CPA4: variants seen among roughly 807,000 people sequenced by gnomAD.
CPA4 encodes carboxypeptidase A3.
In CPA4, 49 loss-of-function variants were observed where a neutral mutation model predicts 54.7. The ratio of observed to expected loss-of-function variants is 0.90; its 90% CI spans 0.71 to 1.14. The LOEUF (loss-of-function observed/expected upper bound fraction) is 1.14, where lower values mean the gene tolerates loss of function less well. Among genes scored for constraint, CPA4 ranks in the 50% most tolerant of loss-of-function variants. CPA4 has a pLI of 0.00. For missense variants in CPA4, 487 were observed against 525.1 expected, an observed-to-expected ratio of 0.93 and a Z score of 0.71; for synonymous variants, 215 against 206.8, an observed-to-expected ratio of 1.04 and a Z score of -0.34.
rs1562927888 is a variant in CPA4 at position 130,298,673 on chromosome 7, C to T, written c.69-73C>T. 5 of 910,670 alleles carry T rather than the reference C, an allele frequency of 5.5e-6. No individual in the cohort carries two copies. In the South Asian group the frequency reaches 6.8e-5, roughly 12 times the overall value. The allele number at this position is 910,670 out of a possible 1,614,324, so 56.4% of individuals were successfully genotyped here. On this transcript the variant is annotated intron_variant, in intron 1 of 10. Coordinates refer to ENST00000222482, the MANE Select transcript of CPA4 (RefSeq NM_016352.4). ...GCCTGGTTACGTCTGGGATAGGAGG[C>T]TTGGGGGTTTCTTTGCCAGCTGAAA...
chr7:130,322,944 G>A lies in CPA4; in HGVS notation c.*268G>A. On this transcript the variant is annotated 3_prime_UTR_variant, in exon 11 of 11. Coordinates refer to ENST00000222482, the MANE Select transcript of CPA4 (RefSeq NM_016352.4). ...CTCCTTCCACCCTGCTGGCTGGGCG[G>A]CTGCACTCAGCATCACCCCTTCCTG... 1 of 362,606 alleles carries A rather than the reference G, an allele frequency of 2.8e-6. No individual in the cohort carries two copies. The highest frequency in any genetic ancestry group is 4.7e-5 in the East Asian group (1 of 21,488). The allele number at this position is 362,606 out of a possible 1,614,324, so 22.5% of individuals were successfully genotyped here.
rs1039248663 is a variant in CPA4, at chr7:130,293,374, C to A, written c.68+126C>A. On this transcript the variant is annotated intron_variant, in intron 1 of 10. Coordinates refer to ENST00000222482, the MANE Select transcript of CPA4 (RefSeq NM_016352.4). ...ACCTGGGCTCTTGTTCCAGCTTTGCCCCTGTGTCATCCTGGACAAGTCCAC... is the reference window on the plus strand; with the variant it reads ...ACCTGGGCTCTTGTTCCAGCTTTGCACCTGTGTCATCCTGGACAAGTCCAC... 7.0e-6 allele frequency: 5 copies of A among 710,568 alleles called. No individual in the cohort carries two copies. In the African/African-American group the frequency reaches 8.9e-5, roughly 13 times the overall value. 44.0% of individuals were successfully genotyped at this position (710,568 alleles called of 1,614,324 possible). A position where few individuals can be genotyped will look rare whatever the true frequency, so the allele number is the denominator to read the frequency against.
intron 5 of CPA4, chr7:130,304,788 A>C (rs1793793436): frequency 3.4e-6 from 2 of 596,784 alleles, no homozygotes; most frequent in African/African-American, 1.9e-5. Flanking sequence ...ATCCCATTCC[A>C]AGTTTTGGCT....
At chr7:130,300,794 C>T (rs868076643) in intron 3 of CPA4, 22 bp from the exon 4 acceptor site, 3 of 1,552,352 alleles carry the variant, frequency 1.9e-6, no homozygotes, top group Middle Eastern at 1.7e-4. Context: ...GATCACTTCA[C>T]AACATTGCTG....
At chr7:130,308,569 C>G (rs1793862811) in intron 8 of CPA4, among the ~76,000 whole-genome samples, 172 bp downstream of exon 8, 1 of 152,092 alleles carries the variant, frequency 6.6e-6, no homozygotes, top group Admixed American at 6.6e-5. Flanking sequence ...TTTGTTGTTG[C>G]TGTTTTGAGA....
chr7:130,305,932 T>C lies in CPA4; in HGVS notation c.591+12T>C. On this transcript the variant is annotated intron_variant, in intron 6 of 10. Coordinates refer to ENST00000222482, the MANE Select transcript of CPA4 (RefSeq NM_016352.4). ...GGACGGCAAGGAAGGTCATGCTGCG[T>C]GGTATTAGCCAGGAATGCTGATGGT... 1.2e-6 allele frequency: 2 copies of C among 1,605,268 alleles called. No homozygotes were observed. Among genetic ancestry groups the C allele is most frequent in the Non-Finnish European group, 1.7e-6 (2 of 1,172,276 alleles).
At position 130,319,096 on chromosome 7, in the gene CPA4, T is replaced by G. The variant is rs929138479; in HGVS notation, c.1079-3393T>G. 3.9e-5 allele frequency among the ~76,000 whole-genome samples: 6 copies of G among 152,310 alleles called. No homozygotes were observed. The East Asian group carries it at 1.2e-3, about 29-fold the overall frequency. Reference sequence around the variant, plus strand: ...AATGATCCTGGCCTGTTTTCCTTCTTGTGTTTGCTTTGTAGAGTTTTGTGT... The same window carrying G: ...AATGATCCTGGCCTGTTTTCCTTCTGGTGTTTGCTTTGTAGAGTTTTGTGT... On this transcript the variant is annotated intron_variant, in intron 10 of 10. Transcript: ENST00000222482.
At chr7:130,305,964 G>GCA (rs2117144166) in intron 6 of CPA4, 44 bp downstream of exon 6, 1 of 1,521,228 alleles carries the variant, frequency 6.6e-7, no homozygotes, top group East Asian at 2.3e-5. Context: ...TGGTGCCGGG[G>GCA]TGCCCCTGCA....
intron 5 of CPA4, 72 bp from the exon 6 acceptor site, chr7:130,305,744 G>A: frequency 9.6e-7 from 1 of 1,046,004 alleles, no homozygotes; most frequent in Non-Finnish European, 1.5e-6. Flanking sequence ...GAATGGGAGA[G>A]AGCTGGAGAG....
At chr7:130,308,538 A>G in intron 8 of CPA4, 141 bp downstream of exon 8, 1 of 674,302 alleles carries the variant, frequency 1.5e-6, no homozygotes, top group East Asian at 2.7e-5. Context: ...AGCACTCCTT[A>G]GGCTCTGACT....
At chr7:130,298,295 C>T (rs752335347) in intron 1 of CPA4, among the ~76,000 whole-genome samples, 14 of 152,138 alleles carry the variant, frequency 9.2e-5, no homozygotes, top group African/African-American at 2.2e-4. Context: ...GTTAGCTTTG[C>T]GTGTAACTCA....
chr7:130,299,603 G>A, intron 3 of CPA4, 199 bp downstream of exon 3: 1 of 549,842 alleles, frequency 1.8e-6, no homozygotes, highest in Non-Finnish European at 3.3e-6. Context: ...ATAGGCCAGG[G>A]AACCACACAG....
chr7:130,298,402 C>G (rs1490637436), intron 1 of CPA4, among the ~76,000 whole-genome samples: 1 of 152,194 alleles, frequency 6.6e-6, no homozygotes, highest in African/African-American at 2.4e-5. Flanking sequence ...AGTAAGTCAT[C>G]CATAATCCCA....
chr7:130,311,122 C>G (rs1793906777), intron 9 of CPA4, 136 bp downstream of exon 9: 1 of 689,154 alleles, frequency 1.5e-6, no homozygotes, highest in East Asian at 2.6e-5. Context: ...TCTTCTCTCC[C>G]TGCCCTTTGG....
rs3735053 is a variant in CPA4, at chr7:130,305,877, G to C, written c.548G>C (p.Arg183Pro). Residue 183 changes from arginine (R) to proline (P), a missense_variant, in exon 6 of 11, where the codon CGA becomes CCA. By Grantham distance (103) the Arg-to-Pro change is moderately radical (BLOSUM62 -2). Coordinates refer to ENST00000222482, the MANE Select transcript of CPA4 (RefSeq NM_016352.4). ...AVWLNAGIHS[R>P]EWISQATAIW... is the part of the protein sequence containing the mutation. The stretch of plus-strand genomic sequence containing the variant: ...TGGCTGAATGCAGGCATCCATTCCC[G>C]AGAGTGGATCTCCCAGGCCACTGCA... The C allele has an allele frequency of 1.9e-6, 3 of 1,614,182 alleles. No individual in the cohort carries two copies. Among genetic ancestry groups the C allele is most frequent in the South Asian group, 1.1e-5 (1 of 91,082 alleles).
Position 130,308,850 on chromosome 7 carries a change from C to CTTTTTTTTTTTTTTTTTTT in CPA4, c.793+468_793+469insTTTTTTTTTTTTTTTTTTT, listed in dbSNP as rs1249548992. On this transcript the variant is annotated intron_variant, in intron 8 of 10. Transcript: ENST00000222482. ...ATAGCCGTAAGCCACCTAGCCCAGC[C>CTTTTTTTTTTTTTTTTTTT]TTTTTTTTTTTTTTTGAGACAGAGT... Among the ~76,000 whole-genome samples, 309 of 120,202 alleles carry CTTTTTTTTTTTTTTTTTTT rather than the reference C, an allele frequency of 2.6e-3. 23 individuals carry two copies. The highest frequency in any genetic ancestry group is 0.01 in the African/African-American group (286 of 28,018). 78.9% of individuals were successfully genotyped at this position (120,202 alleles called of 152,430 possible). A position where few individuals can be genotyped will look rare whatever the true frequency, so the allele number is the denominator to read the frequency against.
intron 5 of CPA4, among the ~76,000 whole-genome samples, chr7:130,305,134 C>A: frequency 6.6e-6 from 1 of 152,234 alleles, no homozygotes. Context: ...GGAATTTGGG[C>A]GTATAACCCA....
Position 130,298,943 on chromosome 7 carries a change from G to A in CPA4, c.150+116G>A, listed in dbSNP as rs569801746. The A allele has an allele frequency of 4.4e-5, 30 of 680,262 alleles. No individual in the cohort carries two copies. The East Asian group carries it at 8.0e-4, about 18-fold the overall frequency. 42.1% of individuals were successfully genotyped at this position (680,262 alleles called of 1,614,324 possible). On this transcript the variant is annotated intron_variant, in intron 2 of 10. Transcript: ENST00000222482. The stretch of plus-strand genomic sequence containing the variant: ...GGAGTCTCTGAATATAATCCTGTGG[G>A]AGTCCACTTGCCATTTATACAATTG...
intron 4 of CPA4, among the ~76,000 whole-genome samples, chr7:130,302,160 TC>T (rs1445896670): frequency 1.3e-5 from 2 of 152,152 alleles, no homozygotes; most frequent in African/African-American, 4.8e-5. Context: ...CCTAGCTCAG[TC>T]ATATACAGTT....
Sources: gnomAD v4.1 joint callset for allele counts (sites outside exome capture counted in the v4.1 genomes callset) on GRCh38, gnomAD v4.1.1 for gene constraint, MANE v1.5 for transcripts, NCBI Gene and HGNC (gene_info 2026-07-23, HGNC 2026-07-21) for gene names.